RTN1: variants seen among roughly 807,000 people sequenced by gnomAD.
RTN1 encodes the protein reticulon-1.
RTN1 carries 25 observed loss-of-function variants against 65.5 expected under a neutral mutation model. The ratio of observed to expected loss-of-function variants is 0.38; its 90% confidence interval spans 0.28 to 0.53. The LOEUF is 0.53. RTN1 is among the 20% of genes least tolerant of loss of function. The pLI is 0.79. For synonymous variants in RTN1, 471 were observed against 447.6 expected (o/e 1.05, Z -0.66); for missense variants, 983 against 1,025.4 (o/e 0.96, Z 0.57).
At position 59,667,722 on chromosome 14, in the gene RTN1, G is replaced by A. The variant is rs146330975; in HGVS notation, c.1765+59197C>T. Among the ~76,000 whole-genome samples, 865 of 152,236 alleles carry A rather than the reference G, an allele frequency of 5.7e-3. 6 individuals are homozygous for A. Among genetic ancestry groups the A allele is most frequent in the Non-Finnish European group, 0.01 (695 of 68,014 alleles). ...ATATTTAGAAAACCCCACTGTCTCA[G>A]CCCAAAATCTCCTTAAGTTGATAAG... On this transcript the variant is annotated intron_variant, in intron 3 of 8. Coordinates refer to ENST00000267484, the MANE Select transcript of RTN1 (RefSeq NM_021136.3).
rs1887838279 is a variant in RTN1 at position 59,868,654 on chromosome 14, T to TA, written c.241+1735dup. 6.6e-6 allele frequency among the ~76,000 whole-genome samples: 1 copy of TA among 152,182 alleles called. No homozygotes were observed. The highest frequency in any genetic ancestry group is 6.5e-5 in the Admixed American group (1 of 15,272). On this transcript the variant is annotated intron_variant, in intron 1 of 8. Transcript: ENST00000267484. This position sits in a 1 kb window ranked among gnomAD's most constrained non-coding sequence, Gnocchi z 4.0. ...CATCACACTGTACCCCACAAATATA[T>TA]ATTCTAAGCATTTCCTATATAATAA...
chr14:59,750,289 TA>T (rs376127521), intron 1 of RTN1, among the ~76,000 whole-genome samples: 1 of 60,300 alleles, frequency 1.7e-5, no homozygotes, highest in African/African-American at 8.0e-5. Context: ...ATAATATATA[TA>T]ATATCTATAA....
intron 1 of RTN1, among the ~76,000 whole-genome samples, chr14:59,777,002 T>C (rs781438491): frequency 1.3e-5 from 2 of 152,198 alleles, no homozygotes; most frequent in Non-Finnish European, 2.9e-5. Flanking sequence ...CTACCATCAC[T>C]GAAAGGCTAC....
intron 8 of RTN1, among the ~76,000 whole-genome samples, chr14:59,600,061 T>C (rs545161053): frequency 2.0e-4 from 30 of 152,324 alleles, no homozygotes; most frequent in African/African-American, 7.0e-4. Context: ...GAGGCTTTTT[T>C]CCTCATTTTC....
chr14:59,620,224 C>A (rs1014386653), intron 3 of RTN1, among the ~76,000 whole-genome samples: 3 of 151,880 alleles, frequency 2.0e-5, no homozygotes, highest in Non-Finnish European at 4.4e-5. Context: ...TGAGGTGGAA[C>A]GGAAATAACC....
chr14:59,808,562 CT>C (rs1235219965), intron 1 of RTN1, among the ~76,000 whole-genome samples: 3 of 152,090 alleles, frequency 2.0e-5, no homozygotes, highest in African/African-American at 7.2e-5. Flanking sequence ...CAAAACAGGG[CT>C]AGGAACTCTG....
At chr14:59,869,772 G>A (rs556539605) in intron 1 of RTN1, among the ~76,000 whole-genome samples, 1 of 152,302 alleles carries the variant, frequency 6.6e-6, no homozygotes, top group Non-Finnish European at 1.5e-5. Context: ...CAACCCTCTT[G>A]CAAAGCTGTG....
chr14:59,605,634 G>T (rs1275787756), intron 4 of RTN1, 128 bp from the exon 5 acceptor site: 6 of 940,752 alleles, frequency 6.4e-6, no homozygotes, highest in South Asian at 1.7e-5. Context: ...TCTCTGGGGG[G>T]TTATGCCAGC....
intron 3 of RTN1, among the ~76,000 whole-genome samples, chr14:59,671,788 C>G (rs1883510008): frequency 6.6e-6 from 1 of 152,222 alleles, no homozygotes; most frequent in Admixed American, 6.5e-5. Flanking sequence ...CGGGGAACAG[C>G]TCTAAGCTTC....
At chr14:59,869,142 A>G (rs914722669) in intron 1 of RTN1, among the ~76,000 whole-genome samples, 1 of 151,918 alleles carries the variant, frequency 6.6e-6, no homozygotes, top group African/African-American at 2.4e-5. Context: ...CGCATTCTCC[A>G]AACCTCTTTT....
chr14:59,768,419 G>C (rs1379114968), intron 1 of RTN1, among the ~76,000 whole-genome samples: 1 of 152,200 alleles, frequency 6.6e-6, no homozygotes, highest in Non-Finnish European at 1.5e-5. Context: ...TCAGGATTTA[G>C]ATACTCTTCT....
At chr14:59,749,729 ATATTTATATATATATCTATATGTATATT>A in intron 1 of RTN1, among the ~76,000 whole-genome samples, 1 of 42,338 alleles carries the variant, frequency 2.4e-5, no homozygotes, top group Non-Finnish European at 4.0e-5. Context: ...ATATATCTAT[ATATTTATATATATATCTATATGTATATT>A]TATATATCTA....
In RTN1 at chr14:59,848,617, T is replaced by G. The variant is rs1280727123; in HGVS notation, c.241+21773A>C. The stretch of plus-strand genomic sequence containing the variant: ...ATACATAAAAGATCCAAATCCTGCT[T>G]CTAAAGGCTTTGAATAGTCATTGAT... On this transcript the variant is annotated intron_variant, in intron 1 of 8. Coordinates refer to ENST00000267484, the MANE Select transcript of RTN1 (RefSeq NM_021136.3). 3.9e-5 allele frequency among the ~76,000 whole-genome samples: 6 copies of G among 152,222 alleles called. No individual in the cohort carries two copies. In the South Asian group the frequency reaches 1.2e-3, roughly 32 times the overall value.
intron 1 of RTN1, among the ~76,000 whole-genome samples, chr14:59,837,733 TTAA>T (rs1303130265): frequency 6.7e-6 from 1 of 148,614 alleles, no homozygotes; most frequent in African/African-American, 2.4e-5. Flanking sequence ...AAAAATTATT[TTAA>T]TAATAATATC....
rs75862885 is a variant in RTN1, at chr14:59,798,538, C to T, written c.242-52057G>A. Among the ~76,000 whole-genome samples the T allele has an allele frequency of 2.0e-3, 303 of 152,224 alleles. 1 individual carries two copies. Among genetic ancestry groups the T allele is most frequent in the African/African-American group, 7.1e-3 (295 of 41,526 alleles). ...ATTCCTTGGCTTGTGCCCCATTCTC[C>T]ATCTTCAAAGCCAGCATCATAACAT... On this transcript the variant is annotated intron_variant, in intron 1 of 8. Transcript: ENST00000267484.
chr14:59,616,376 T>C (rs10147332), intron 3 of RTN1, among the ~76,000 whole-genome samples: 17,454 of 152,200 alleles, frequency 0.11, 1,185 homozygotes, highest in Middle Eastern at 0.15. Flanking sequence ...TGTCTCATTT[T>C]GGTGAAAATT....
At chr14:59,731,336 G>T (rs1884892369) in intron 2 of RTN1, among the ~76,000 whole-genome samples, 1 of 152,144 alleles carries the variant, frequency 6.6e-6, no homozygotes. Context: ...TAGTTATGGG[G>T]AGTGGGGAGA....
intron 1 of RTN1, among the ~76,000 whole-genome samples, chr14:59,842,539 G>C (rs1887333081): frequency 6.6e-6 from 1 of 151,794 alleles, no homozygotes; most frequent in South Asian, 2.1e-4. Context: ...CACATCTTAG[G>C]GCACTGGGGC....
chr14:59,866,777 T>C (rs1317875684), intron 1 of RTN1, among the ~76,000 whole-genome samples: 2 of 152,180 alleles, frequency 1.3e-5, no homozygotes, highest in Non-Finnish European at 2.9e-5. Flanking sequence ...GATGGAAATT[T>C]ATACCTTCTG....
Sources: gnomAD v4.1 joint callset for allele counts (sites outside exome capture counted in the v4.1 genomes callset) on GRCh38, gnomAD v4.1.1 for gene constraint, Gnocchi (gnomAD v3.1) non-coding constraint, MANE v1.5 for transcripts, NCBI Gene and HGNC (gene_info 2026-07-23, HGNC 2026-07-21) for gene names.